PARN: variants seen among roughly 807,000 people sequenced by gnomAD.
The protein encoded by PARN is poly(A)-specific ribonuclease PARN.
In PARN, 71 loss-of-function variants were observed where a neutral mutation model predicts 102.8. That is an observed-to-expected ratio of 0.69 (90% CI 0.57 to 0.84). PARN has a LOEUF of 0.84. Ranked by LOEUF, PARN falls within the 40% of genes least tolerant of loss-of-function variation. The probability of loss-of-function intolerance (pLI) is 0.00; values close to 1 mark genes in which losing one functional copy is unlikely to be tolerated. For missense variants in PARN, 782 were observed against 760.9 expected (o/e 1.03, Z -0.33); for synonymous variants, 261 against 252.9 (o/e 1.03, Z -0.30).
intron 18 of PARN, among the ~76,000 whole-genome samples, chr16:14,563,105 C>T (rs943189520): frequency 1.3e-5 from 2 of 152,180 alleles, no homozygotes; most frequent in Admixed American, 1.3e-4. Flanking sequence ...GAGACTCAAA[C>T]CTCTGAGAAC....
intron 21 of PARN, among the ~76,000 whole-genome samples, chr16:14,511,671 T>C (rs998098805): frequency 6.6e-6 from 1 of 152,132 alleles, no homozygotes; most frequent in Non-Finnish European, 1.5e-5. Context: ...AAAGGTTAAA[T>C]GCATCCACTA....
At chr16:14,584,837 T>G in intron 14 of PARN, 46 bp from the exon 15 acceptor site, 1 of 1,058,182 alleles carries the variant, frequency 9.5e-7, no homozygotes. Context: ...TATCAATGTT[T>G]AAAATGTCTT....
intron 22 of PARN, among the ~76,000 whole-genome samples, chr16:14,458,518 G>C (rs563782999): frequency 1.3e-5 from 2 of 152,300 alleles, no homozygotes; most frequent in South Asian, 2.1e-4. Flanking sequence ...AGGAGAGGCA[G>C]CATCAGAGAA....
Position 14,525,278 on chromosome 16 carries a change from G to C in PARN, c.1480+26743C>G, listed in dbSNP as rs758020731. Among the ~76,000 whole-genome samples the C allele has an allele frequency of 9.5e-4, 144 of 152,268 alleles. 1 individual carries two copies. Among genetic ancestry groups the C allele is most frequent in the Non-Finnish European group, 1.9e-3 (126 of 68,020 alleles). The stretch of plus-strand genomic sequence containing the variant: ...GACTCCCTCCCACCTGAAAGATAAG[G>C]ATGTCTCTGGAAAACTCAGGATGCC... On this transcript the variant is annotated intron_variant, in intron 21 of 23. Transcript: ENST00000437198.
Position 14,554,096 on chromosome 16 carries a change from G to C in PARN, c.1374C>G (p.Thr458=). The change falls in exon 20 of 24, where the codon ACC becomes ACG. Residue 458 remains threonine, a synonymous_variant. Transcript: ENST00000437198. ...CACTGAAAAGCTGGTAAAGGTCGCT[G>C]GTTTTCCATTCTTTGGGGAATGTCA... ...LHVTFPKEWK[T]SDLYQLFSAF... is the part of the protein sequence containing the mutation. 1 of 1,613,162 alleles carries C rather than the reference G, an allele frequency of 6.2e-7. No homozygotes were observed. The highest frequency in any genetic ancestry group is 8.5e-7 in the Non-Finnish European group (1 of 1,179,516).
intron 21 of PARN, among the ~76,000 whole-genome samples, chr16:14,551,526 G>A (rs368061859): frequency 6.6e-6 from 1 of 151,968 alleles, no homozygotes; most frequent in East Asian, 1.9e-4. Context: ...CCGACATTGC[G>A]CCACTGCACT....
intron 21 of PARN, among the ~76,000 whole-genome samples, chr16:14,545,751 C>T (rs1186165774): frequency 6.6e-6 from 1 of 152,178 alleles, no homozygotes; most frequent in East Asian, 1.9e-4. Context: ...TAAAGCTTTA[C>T]CAGCTCAAGG....
chr16:14,585,889 C>T (rs543276048), intron 14 of PARN, among the ~76,000 whole-genome samples: 2 of 151,514 alleles, frequency 1.3e-5, no homozygotes, highest in South Asian at 2.1e-4. Flanking sequence ...ACATTGGAGA[C>T]ATTAAATAAG....
intron 22 of PARN, among the ~76,000 whole-genome samples, chr16:14,467,753 TG>T (rs1962449444): frequency 1.3e-5 from 2 of 152,206 alleles, no homozygotes; most frequent in African/African-American, 4.8e-5. Context: ...TAGATTATGG[TG>T]CAATTATCAA....
At chr16:14,574,128 T>C (rs1968972414) in intron 18 of PARN, among the ~76,000 whole-genome samples, 2 of 151,866 alleles carry the variant, frequency 1.3e-5, no homozygotes, top group African/African-American at 2.4e-5. Flanking sequence ...GGTAATGATA[T>C]GGATAATGAA....
intron 21 of PARN, among the ~76,000 whole-genome samples, chr16:14,517,497 G>T (rs555002767): frequency 6.6e-6 from 1 of 152,282 alleles, no homozygotes; most frequent in African/African-American, 2.4e-5. Flanking sequence ...GGAATTATGG[G>T]AAACAGGTAA....
intron 1 of PARN, 75 bp from the exon 2 acceptor site, chr16:14,629,749 G>C (rs1972914948): frequency 1.8e-6 from 2 of 1,118,488 alleles, no homozygotes; most frequent in Non-Finnish European, 2.7e-6. Context: ...GGAGGGCCGA[G>C]GAGCTCCCGA....
intron 21 of PARN, among the ~76,000 whole-genome samples, chr16:14,508,564 CAGAG>C (rs1965018650): frequency 6.6e-6 from 1 of 151,784 alleles, no homozygotes. Context: ...CTGTAATAAC[CAGAG>C]AGAATTTATA....
At chr16:14,540,932 C>T (rs751881632) in intron 21 of PARN, among the ~76,000 whole-genome samples, 5 of 152,024 alleles carry the variant, frequency 3.3e-5, no homozygotes, top group Admixed American at 6.6e-5. Context: ...GCCCGGGCCA[C>T]AGGACAAGAC....
intron 18 of PARN, among the ~76,000 whole-genome samples, chr16:14,577,838 T>C (rs977256253): frequency 4.6e-5 from 7 of 151,626 alleles, no homozygotes; most frequent in South Asian, 2.1e-4. Context: ...CAGCTACTTT[T>C]TGTATTTGTA....
chr16:14,457,605 C>G (rs1961734476), intron 22 of PARN, among the ~76,000 whole-genome samples: 1 of 151,900 alleles, frequency 6.6e-6, no homozygotes, highest in African/African-American at 2.4e-5. Context: ...CGAGACCAGC[C>G]TGGCCAACAT....
chr16:14,569,942 A>T (rs1220834510), intron 18 of PARN, among the ~76,000 whole-genome samples: 1 of 152,120 alleles, frequency 6.6e-6, no homozygotes, highest in Non-Finnish European at 1.5e-5. Context: ...TTACCAAATT[A>T]AAAAAAATTA....
At chr16:14,599,232 G>C (rs1011306479) in intron 12 of PARN, among the ~76,000 whole-genome samples, 21 of 151,756 alleles carry the variant, frequency 1.4e-4, no homozygotes, top group African/African-American at 5.1e-4. Flanking sequence ...TGGTAGAGAT[G>C]GGGTTTCCCC....
intron 21 of PARN, among the ~76,000 whole-genome samples, chr16:14,490,037 A>G (rs112426955): frequency 6.6e-6 from 1 of 152,214 alleles, no homozygotes; most frequent in Non-Finnish European, 1.5e-5. Flanking sequence ...GCATGCCTGT[A>G]GTCCCAGATA....
Sources: allele counts gnomAD v4.1 joint callset (sites outside exome capture counted in the v4.1 genomes callset), GRCh38; gene constraint gnomAD v4.1.1; transcripts MANE v1.5; gene names NCBI Gene and HGNC (gene_info 2026-07-23, HGNC 2026-07-21).